The following ITGA11 variants were observed in gnomAD, a reference collection of about 807,000 sequenced individuals.
The protein encoded by ITGA11 is integrin subunit alpha 11, also known as integrin alpha-11.
A neutral mutation model predicts 141.9 loss-of-function variants in ITGA11; 97 were observed. That is an observed-to-expected ratio of 0.68 (90% CI 0.58 to 0.81). The LOEUF is 0.81. Among genes scored for constraint, ITGA11 ranks in the 30% least tolerant of loss-of-function variants. The probability of loss-of-function intolerance (pLI) is 0.00; values close to 1 mark genes in which losing one functional copy is unlikely to be tolerated. For missense variants in ITGA11, 1,387 were observed against 1,559.2 expected, an observed-to-expected ratio of 0.89 and a Z score of 1.86; for synonymous variants, 658 against 624.6, an observed-to-expected ratio of 1.05 and a Z score of -0.80.
Position 68,310,942 on chromosome 15 carries a change from C to T in ITGA11, c.3174+52G>A, listed in dbSNP as rs1036978061. On this transcript the variant is annotated intron_variant, in intron 26 of 29. Coordinates refer to ENST00000315757, the MANE Select transcript of ITGA11 (RefSeq NM_001004439.2). ...AGGGAAATGGCCCGCAGAGCACCGG[C>T]GGCACGCCTCTAACCCCAACCACTG... 9.3e-6 allele frequency: 13 copies of T among 1,399,700 alleles called. No individual in the cohort carries two copies. In the East Asian group the frequency reaches 9.9e-5, roughly 11 times the overall value. The allele number at this position is 1,399,700 out of a possible 1,614,324, so 86.7% of individuals were successfully genotyped here.
In ITGA11 at chr15:68,351,264, C is replaced by T. The variant is rs146041053; in HGVS notation, c.888G>A (p.Ala296=). 2.2e-5 allele frequency: 35 copies of T among 1,613,970 alleles called. No individual in the cohort carries two copies. The Middle Eastern group carries it at 6.6e-4, about 30-fold the overall frequency. ...TGGGCGGGCCAGGACTTACGGCCAC[C>T]GCATATCTTGTTACGTTGTCTCTTT... is the stretch of plus-strand genomic sequence containing the variant. The part of the protein sequence containing the change: ...QSERDNVTRY[A]VAVLGYYNRR... Residue 296 remains alanine, a synonymous_variant, in exon 8 of 30, where the codon GCG becomes GCA. Coordinates refer to ENST00000315757, the MANE Select transcript of ITGA11 (RefSeq NM_001004439.2).
At chr15:68,386,826 G>T (rs1363406875) in intron 2 of ITGA11, among the ~76,000 whole-genome samples, 1 of 152,130 alleles carries the variant, frequency 6.6e-6, no homozygotes, top group Non-Finnish European at 1.5e-5. Context: ...AGCCTGGATG[G>T]GGCTCTTTAT....
chr15:68,315,561 C>T, intron 22 of ITGA11, 90 bp downstream of exon 22: 4 of 1,087,002 alleles, frequency 3.7e-6, no homozygotes, highest in Admixed American at 2.0e-5. Flanking sequence ...GGGCAGCGGA[C>T]TCAGTGTCGG....
At chr15:68,315,171 G>A (rs1406310014) in intron 22 of ITGA11, among the ~76,000 whole-genome samples, 1 of 152,138 alleles carries the variant, frequency 6.6e-6, no homozygotes, top group Admixed American at 6.5e-5. Flanking sequence ...ATGGGGAATA[G>A]GACGAGTAGT....
chr15:68,417,993 G>A (rs956558657), intron 1 of ITGA11, among the ~76,000 whole-genome samples: 1 of 152,230 alleles, frequency 6.6e-6, no homozygotes, highest in Non-Finnish European at 1.5e-5. Flanking sequence ...TTCCACAAAG[G>A]AAGGGACTAA....
At position 68,307,378 on chromosome 15, in the gene ITGA11, G is replaced by A; in HGVS notation, c.3351C>T (p.Phe1117=). The A allele has an allele frequency of 6.4e-7, 1 of 1,558,084 alleles. No homozygotes were observed. The highest frequency in any genetic ancestry group is 8.7e-7 in the Non-Finnish European group (1 of 1,150,232). ...AALQRQFHSP[F]IFREEDPSRQ... is the part of the protein sequence containing the mutation. ...GGCTGGGATCCTCCTCACGGAAGAT[G>A]AAGGGGCTGTGGAACTGCCTCTGCA... The change falls in exon 28 of 30, where the codon TTC becomes TTT. Residue 1117 remains phenylalanine (F), a synonymous_variant. Transcript: ENST00000315757. This position sits in a 1 kb window ranked among gnomAD's most constrained non-coding sequence, Gnocchi z 6.1.
rs1419116470 is a variant in ITGA11, at chr15:68,297,460, AAGAAAGCTATGTCT to A, written c.*5585_*5598del. The A allele has an allele frequency of 1.3e-5, 2 of 148,640 alleles. No individual in the cohort carries two copies. Among genetic ancestry groups the A allele is most frequent in the Non-Finnish European group, 3.0e-5 (2 of 67,240 alleles). 9.2% of individuals were successfully genotyped at this position (148,640 alleles called of 1,614,324 possible). ...TTTTTTTTTTTTTTTTTTTATCCAA[AAGAAAGCTATGTCT>A]GGTTAGGTAAATCATACACCTGTAT... On this transcript the variant is annotated 3_prime_UTR_variant, in exon 30 of 30. Transcript: ENST00000315757.
chr15:68,356,710 G>A (rs570538593), intron 7 of ITGA11, among the ~76,000 whole-genome samples: 17 of 152,268 alleles, frequency 1.1e-4, no homozygotes, highest in African/African-American at 3.9e-4. Flanking sequence ...ATAGAATGTG[G>A]CAGAAGTCAT....
At chr15:68,345,177 C>T (rs1894705630) in intron 10 of ITGA11, among the ~76,000 whole-genome samples, 1 of 152,168 alleles carries the variant, frequency 6.6e-6, no homozygotes, top group Admixed American at 6.5e-5. Context: ...ATGGAAGCCA[C>T]TCTGGCTCTT....
At chr15:68,395,703 T>C (rs1595889552) in intron 2 of ITGA11, among the ~76,000 whole-genome samples, 1 of 11,590 alleles carries the variant, frequency 8.6e-5, no homozygotes. Flanking sequence ...GGGCGGGGAA[T>C]ATCACACACT....
At chr15:68,315,598 G>A in intron 22 of ITGA11, 53 bp downstream of exon 22, 1 of 1,462,122 alleles carries the variant, frequency 6.8e-7, no homozygotes, top group Non-Finnish European at 9.5e-7. Context: ...CAGCCAGAGA[G>A]CTGGGCCCCG....
intron 1 of ITGA11, among the ~76,000 whole-genome samples, chr15:68,417,088 C>A (rs1373208092): frequency 1.3e-5 from 2 of 152,108 alleles, no homozygotes; most frequent in African/African-American, 4.8e-5. Flanking sequence ...TTGGCCTCAA[C>A]ATGGCCCGAG....
chr15:68,350,237 T>C (rs552284615), intron 9 of ITGA11, among the ~76,000 whole-genome samples: 40 of 152,130 alleles, frequency 2.6e-4, no homozygotes, highest in Non-Finnish European at 4.7e-4. Flanking sequence ...CCGGCTGGAG[T>C]GCAGTGGCAT....
rs557354520 is a variant in ITGA11, at chr15:68,366,748, G to A, written c.266-1950C>T. ...CTCAGCAGGTCTGGGTGAGGGTCCC[G>A]GGCCCAGATATCTCCCTACACAGGC... On this transcript the variant is annotated intron_variant, in intron 3 of 29. Transcript: ENST00000315757. 3.2e-3 allele frequency among the ~76,000 whole-genome samples: 492 copies of A among 152,112 alleles called. 4 individuals are homozygous for A. The highest frequency in any genetic ancestry group is 0.011 in the African/African-American group (467 of 41,494).
intron 10 of ITGA11, among the ~76,000 whole-genome samples, chr15:68,348,353 G>A (rs1202878797): frequency 6.6e-6 from 1 of 152,202 alleles, no homozygotes; most frequent in African/African-American, 2.4e-5. Context: ...ATTGACATGG[G>A]GCCTGGCATG....
At position 68,322,610 on chromosome 15, in the gene ITGA11, T is replaced by C. The variant is rs1446203866; in HGVS notation, c.2323-1107A>G. ...GGCTGGGCGTGGTGGCTCACACCTGTAATCCTAGCACTCTGGGAGGCTGAG... is the reference window on the plus strand; with the variant it reads ...GGCTGGGCGTGGTGGCTCACACCTGCAATCCTAGCACTCTGGGAGGCTGAG... On this transcript the variant is annotated intron_variant, in intron 18 of 29. Transcript: ENST00000315757. The surrounding 1 kb of genome is among the most constrained non-coding windows in gnomAD (Gnocchi z 5.6). Among the ~76,000 whole-genome samples the C allele has an allele frequency of 6.6e-6, 1 of 152,006 alleles. No homozygotes were observed. Among genetic ancestry groups the C allele is most frequent in the Non-Finnish European group, 1.5e-5 (1 of 67,988 alleles).
chr15:68,320,106 A>G, intron 20 of ITGA11, 79 bp downstream of exon 20: 1 of 1,253,190 alleles, frequency 8.0e-7, no homozygotes, highest in Non-Finnish European at 1.2e-6. Flanking sequence ...TGATTCCAAC[A>G]TGTAGCCAGG....
intron 19 of ITGA11, 114 bp from the exon 20 acceptor site, chr15:68,320,506 T>G: frequency 1.3e-6 from 1 of 755,612 alleles, no homozygotes; most frequent in Middle Eastern, 3.6e-4. Flanking sequence ...TGGCCTCTGC[T>G]CATGGGAATA....
chr15:68,341,225 C>T (rs1449693710), intron 10 of ITGA11, among the ~76,000 whole-genome samples: 1 of 152,238 alleles, frequency 6.6e-6, no homozygotes, highest in African/African-American at 2.4e-5. Flanking sequence ...CTTCTTCCTG[C>T]TACTCTGTGC....
Sources: allele counts gnomAD v4.1 joint callset (sites outside exome capture counted in the v4.1 genomes callset), GRCh38; gene constraint gnomAD v4.1.1; non-coding constraint Gnocchi (gnomAD v3.1); transcripts MANE v1.5; gene names NCBI Gene and HGNC (gene_info 2026-07-23, HGNC 2026-07-21).